CNTNAP2: variants seen among roughly 807,000 people sequenced by gnomAD.
CNTNAP2 encodes the protein contactin-associated protein-like 2.
Under a neutral mutation model 155.2 loss-of-function variants are expected in CNTNAP2, and 98 were observed. The ratio of observed to expected loss-of-function variants is 0.63; its 90% CI spans 0.54 to 0.75. The LOEUF is 0.75. Among genes scored for constraint, CNTNAP2 ranks in the 30% least tolerant of loss-of-function variants. The probability of loss-of-function intolerance (pLI) is 0.00; values close to 1 mark genes in which losing one functional copy is unlikely to be tolerated. For missense variants in CNTNAP2, 1,727 were observed against 1,688.1 expected, an observed-to-expected ratio of 1.02 and a Z score of -0.40; for synonymous variants, 651 against 631.2, an observed-to-expected ratio of 1.03 and a Z score of -0.47.
chr7:146,140,194 A>G (rs1341028416), intron 1 of CNTNAP2, among the ~76,000 whole-genome samples: 2 of 152,164 alleles, frequency 1.3e-5, no homozygotes, highest in African/African-American at 2.4e-5. Context: ...AATTCACTAC[A>G]GCAGACGACT....
At chr7:146,875,934 CAAAAAAAAAAAAA>C (rs56304234) in intron 3 of CNTNAP2, among the ~76,000 whole-genome samples, 1,074 of 55,172 alleles carry the variant, frequency 0.019, 18 homozygotes, top group African/African-American at 0.062. Flanking sequence ...ACATACACAG[CAAAAAAAAAAAAA>C]AAAAAAAAAA....
chr7:146,254,224 C>T (rs545212858), intron 1 of CNTNAP2, among the ~76,000 whole-genome samples: 5 of 152,062 alleles, frequency 3.3e-5, no homozygotes, highest in Admixed American at 2.0e-4. Context: ...GAATTGAAAG[C>T]TTACATAACT....
At chr7:146,871,670 A>C (rs1002194307) in intron 3 of CNTNAP2, among the ~76,000 whole-genome samples, 1 of 152,158 alleles carries the variant, frequency 6.6e-6, no homozygotes, top group Non-Finnish European at 1.5e-5. Context: ...AAACTTTGAC[A>C]TCCATCTTCT....
At chr7:148,125,596 A>G (rs1804701221) in intron 16 of CNTNAP2, among the ~76,000 whole-genome samples, 1 of 151,222 alleles carries the variant, frequency 6.6e-6, no homozygotes, top group Admixed American at 6.6e-5. Flanking sequence ...GTAGTATTCC[A>G]TGATGTATAT....
intron 1 of CNTNAP2, among the ~76,000 whole-genome samples, chr7:146,147,320 C>G (rs2116767992): frequency 1.3e-5 from 2 of 152,134 alleles, no homozygotes; most frequent in South Asian, 4.2e-4. Flanking sequence ...CAGTGCAGCC[C>G]AATTGGAGCC....
intron 8 of CNTNAP2, among the ~76,000 whole-genome samples, chr7:147,227,627 T>G (rs770570187): frequency 2.2e-4 from 33 of 152,202 alleles, no homozygotes; most frequent in Middle Eastern, 6.8e-3. Flanking sequence ...AGGTTTTTGG[T>G]TTTTGCCCTG....
At chr7:147,357,026 T>C (rs1485608236) in intron 9 of CNTNAP2, among the ~76,000 whole-genome samples, 3 of 152,128 alleles carry the variant, frequency 2.0e-5, no homozygotes, top group Non-Finnish European at 4.4e-5. Flanking sequence ...AACTCTGACC[T>C]CCATCTTTCT....
chr7:146,187,043 T>A (rs1798634078), intron 1 of CNTNAP2, among the ~76,000 whole-genome samples: 1 of 152,196 alleles, frequency 6.6e-6, no homozygotes, highest in Non-Finnish European at 1.5e-5. Flanking sequence ...TTGTATTTAT[T>A]CTTGCAGAAA....
At chr7:147,456,797 G>A (rs1797924644) in intron 10 of CNTNAP2, among the ~76,000 whole-genome samples, 1 of 152,164 alleles carries the variant, frequency 6.6e-6, no homozygotes, top group South Asian at 2.1e-4. Flanking sequence ...CGGGATAATA[G>A]GAGACATTTA....
At chr7:146,324,106 G>T (rs545238059) in intron 1 of CNTNAP2, among the ~76,000 whole-genome samples, 12 of 151,978 alleles carry the variant, frequency 7.9e-5, no homozygotes, top group Non-Finnish European at 1.5e-4. Context: ...CCCTTAAAAA[G>T]ATAACAAGGC....
intron 15 of CNTNAP2, among the ~76,000 whole-genome samples, chr7:148,095,527 G>C (rs1803946705): frequency 6.6e-6 from 1 of 152,206 alleles, no homozygotes; most frequent in Non-Finnish European, 1.5e-5. Flanking sequence ...ATCTGCATCA[G>C]AGGCAGCTGA....
At chr7:148,234,362 T>C (rs1341783438) in intron 20 of CNTNAP2, among the ~76,000 whole-genome samples, 1 of 152,226 alleles carries the variant, frequency 6.6e-6, no homozygotes, top group Non-Finnish European at 1.5e-5. Flanking sequence ...GTTACTGTTA[T>C]TACCATAAGA....
intron 1 of CNTNAP2, among the ~76,000 whole-genome samples, chr7:146,190,010 G>A (rs757550927): frequency 2.0e-5 from 3 of 151,998 alleles, no homozygotes; most frequent in Non-Finnish European, 2.9e-5. Context: ...GTGATTTTGT[G>A]GCTAATCTTC....
At chr7:147,529,043 C>T (rs556068657) in intron 11 of CNTNAP2, among the ~76,000 whole-genome samples, 18 of 152,194 alleles carry the variant, frequency 1.2e-4, no homozygotes, top group Admixed American at 2.6e-4. Flanking sequence ...AAAATGGAAA[C>T]GATACATGTC....
intron 14 of CNTNAP2, among the ~76,000 whole-genome samples, chr7:147,923,769 G>T (rs1490555465): frequency 6.6e-6 from 1 of 151,862 alleles, no homozygotes; most frequent in Non-Finnish European, 1.5e-5. Flanking sequence ...AGGCTCAAGT[G>T]ATTCTTCTAC....
intron 8 of CNTNAP2, among the ~76,000 whole-genome samples, chr7:147,181,161 G>A (rs550441778): frequency 6.6e-6 from 1 of 152,222 alleles, no homozygotes; most frequent in South Asian, 2.1e-4. Flanking sequence ...CTTTAGGAAG[G>A]TTAACCTGGA....
At chr7:147,661,468 T>G (rs1795606863) in intron 13 of CNTNAP2, among the ~76,000 whole-genome samples, 1 of 152,114 alleles carries the variant, frequency 6.6e-6, no homozygotes, top group African/African-American at 2.4e-5. Context: ...TAGTACCTGT[T>G]GTATGCCTCG....
chr7:146,710,512 C>A (rs1211463927), intron 1 of CNTNAP2, among the ~76,000 whole-genome samples: 2 of 152,150 alleles, frequency 1.3e-5, no homozygotes, highest in Non-Finnish European at 2.9e-5. Flanking sequence ...CAGTATCCTC[C>A]TTGTAGTTTT....
intron 10 of CNTNAP2, among the ~76,000 whole-genome samples, chr7:147,469,429 GCATGCCTTCA>G (rs1798174043): frequency 6.6e-6 from 1 of 151,454 alleles, no homozygotes; most frequent in Non-Finnish European, 1.5e-5. Flanking sequence ...GAACAAAGAT[GCATGCCTTCA>G]CTGCATTTTA....
Sources: allele counts gnomAD v4.1 joint callset (sites outside exome capture counted in the v4.1 genomes callset), GRCh38; gene constraint gnomAD v4.1.1; transcripts MANE v1.5; gene names NCBI Gene and HGNC (gene_info 2026-07-23, HGNC 2026-07-21).